TEX14: variants seen among roughly 807,000 people sequenced by gnomAD.
The protein encoded by TEX14 is testis expressed 14, intercellular bridge forming factor.
In TEX14, 168 loss-of-function variants were observed where a neutral mutation model predicts 178.6. The ratio of observed to expected loss-of-function variants is 0.94; its 90% CI spans 0.83 to 1.07. The LOEUF is 1.07. Among genes scored for constraint, TEX14 ranks in the 50% least tolerant of loss-of-function variants. The probability of loss-of-function intolerance (pLI) is 0.00; values close to 1 mark genes in which losing one functional copy is unlikely to be tolerated. For missense variants in TEX14, 1,730 were observed against 1,753.6 expected (o/e 0.99, Z 0.24); for synonymous variants, 626 against 634.1 (o/e 0.99, Z 0.19).
intron 2 of TEX14, among the ~76,000 whole-genome samples, chr17:58,650,851 T>G (rs1046862669): frequency 6.6e-6 from 1 of 152,228 alleles, no homozygotes; most frequent in Non-Finnish European, 1.5e-5. Flanking sequence ...TCTTCAGGAA[T>G]GCTATTGAAG....
intron 24 of TEX14, among the ~76,000 whole-genome samples, chr17:58,571,388 AC>A (rs1313819554): frequency 6.6e-6 from 1 of 151,706 alleles, no homozygotes; most frequent in Non-Finnish European, 1.5e-5. Flanking sequence ...GGCACATGGC[AC>A]CATGTCCCAG....
intron 21 of TEX14, 104 bp downstream of exon 21, chr17:58,577,271 A>G: frequency 2.2e-6 from 1 of 461,826 alleles, no homozygotes; most frequent in Non-Finnish European, 3.6e-6. Flanking sequence ...ATAAGATAGT[A>G]GCTAATACAT....
chr17:58,651,765 T>C, intron 2 of TEX14, 101 bp downstream of exon 2: 1 of 1,106,122 alleles, frequency 9.0e-7, no homozygotes, highest in Non-Finnish European at 1.3e-6. Flanking sequence ...TTTCTGGATT[T>C]CCCCAAGGAC....
intron 28 of TEX14, among the ~76,000 whole-genome samples, chr17:58,562,908 C>G (rs1457114134): frequency 1.3e-5 from 2 of 151,766 alleles, no homozygotes; most frequent in Non-Finnish European, 2.9e-5. Context: ...CCCATCTCTA[C>G]AAAAAATACA....
In TEX14 at chr17:58,661,785, T is replaced by C. The variant is rs1282755517; in HGVS notation, c.-1-9783A>G. The stretch of plus-strand genomic sequence containing the variant: ...GGTTGTGCCGGGTCTGAATCGCTGC[T>C]CCACTCCGGGTCTTCGTCAAACTTT... On this transcript the variant is annotated intron_variant, in intron 1 of 31. Transcript: ENST00000349033. 11 of 519,348 alleles carry C rather than the reference T, an allele frequency of 2.1e-5. No individual in the cohort carries two copies. In the Admixed American group the frequency reaches 3.3e-4, roughly 16 times the overall value. 32.2% of individuals were successfully genotyped at this position (519,348 alleles called of 1,614,324 possible). A position where few individuals can be genotyped will look rare whatever the true frequency, so the allele number is the denominator to read the frequency against.
In TEX14 at chr17:58,587,952, C is replaced by G; in HGVS notation, c.2646G>C (p.Leu882=). Residue 882 remains leucine, a synonymous_variant, in exon 16 of 32, where the codon CTG becomes CTC. Coordinates refer to ENST00000349033, the MANE Select transcript of TEX14 (RefSeq NM_031272.5). ...CAGAAGGTCCCTGCCGGTGGCTTGACAGAGTGAAGAGTGCACTATTAAACT... is the reference window on the plus strand; with the variant it reads ...CAGAAGGTCCCTGCCGGTGGCTTGAGAGAGTGAAGAGTGCACTATTAAACT... ...ATQFNSALFT[L]SSHRQGPSAS... is the part of the protein sequence containing the mutation. 6.2e-7 allele frequency: 1 copy of G among 1,612,684 alleles called. No individual in the cohort carries two copies. The highest frequency in any genetic ancestry group is 8.5e-7 in the Non-Finnish European group (1 of 1,179,002).
chr17:58,658,956 C>G (rs1439115963), intron 1 of TEX14, among the ~76,000 whole-genome samples: 1 of 151,732 alleles, frequency 6.6e-6, no homozygotes, highest in Non-Finnish European at 1.5e-5. Flanking sequence ...CCACATCAGT[C>G]TGGCTTATTT....
Position 58,573,162 on chromosome 17 carries a change from T to G in TEX14, c.3511+19A>C, listed in dbSNP as rs755849192. ...GCTGTAAGTCCTTCTCCCCAAACAC[T>G]TCTCTTCCCTGTGATTACCTGGGCT... is the stretch of plus-strand genomic sequence containing the variant. On this transcript the variant is annotated intron_variant, in intron 23 of 31. Transcript: ENST00000349033. 46 of 1,613,220 alleles carry G rather than the reference T, an allele frequency of 2.9e-5. No individual in the cohort carries two copies. The highest frequency in any genetic ancestry group is 3.8e-5 in the Non-Finnish European group (45 of 1,179,504).
rs765635833 is a variant in TEX14, at chr17:58,621,768, G to A, written c.436C>T (p.Arg146Cys). 1.1e-5 allele frequency: 17 copies of A among 1,613,898 alleles called. No individual in the cohort carries two copies. Among genetic ancestry groups the A allele is most frequent in the Admixed American group, 3.3e-5 (2 of 59,958 alleles). ...RSTQIVEFMQRCASHMQAIIQ... is the reference protein window; with the variant it reads ...RSTQIVEFMQCCASHMQAIIQ... ...ATGGCCTGCATGTGTGAGGCACAGC[G>A]CTGCATGAACTCCACTATCTGCAAA... Residue 146 changes from arginine to cysteine, a missense_variant, in exon 5 of 32, where the codon CGC becomes TGC. By Grantham distance (180) the Arg-to-Cys change is radical. Transcript: ENST00000349033.
intron 13 of TEX14, among the ~76,000 whole-genome samples, chr17:58,600,414 A>G (rs993886919): frequency 2.0e-5 from 3 of 152,050 alleles, no homozygotes; most frequent in African/African-American, 7.3e-5. Flanking sequence ...ACAAAAAATT[A>G]GCCAGGCATG....
chr17:58,565,041 G>T (rs2044369477), intron 27 of TEX14, 73 bp from the exon 28 acceptor site: 1 of 980,516 alleles, frequency 1.0e-6, no homozygotes, highest in Non-Finnish European at 1.5e-6. Flanking sequence ...AAAATAGAGT[G>T]CAAAAATTAA....
At chr17:58,679,422 G>C (rs2047453455) in intron 1 of TEX14, 1 of 145,252 alleles carries the variant, frequency 6.9e-6, no homozygotes, top group Non-Finnish European at 1.6e-5. Flanking sequence ...ATGACCATTA[G>C]AAGGCATCAA....
chr17:58,586,068 T>C lies in TEX14; in HGVS notation c.2803A>G (p.Met935Val). Reference protein sequence around the residue: ...HLKWKMEVKEMAKKAATGQLT... With the variant: ...HLKWKMEVKEVAKKAATGQLT... ...TGTCCAGTAGCTGCTTTCTTTGCCA[T>C]TTCTTTCACCTCCACTGTGCATAAG... The change falls in exon 18 of 32, where the codon ATG (methionine) becomes GTG (valine). Residue 935 changes from methionine (M) to valine (V), a missense_variant. Physicochemically the swap from Met to Val is conservative, Grantham distance 21. Around this residue, in one of 2 missense-constraint regions of TEX14, gnomAD observed 941 missense variants for 1,072.4 expected, o/e 0.88. Transcript: ENST00000349033. 1 of 1,612,548 alleles carries C rather than the reference T, an allele frequency of 6.2e-7. No homozygotes were observed. Among genetic ancestry groups the C allele is most frequent in the Non-Finnish European group, 8.5e-7 (1 of 1,178,772 alleles).
rs540660291 is a variant in TEX14, at chr17:58,603,779, G to A, written c.1337-1189C>T. Among the ~76,000 whole-genome samples the A allele has an allele frequency of 6.0e-5, 9 of 149,742 alleles. No homozygotes were observed. The South Asian group carries it at 1.1e-3, about 18-fold the overall frequency. ...TGAGGCAGGAGAATCGCTTGAACCC[G>A]GGAGGCAGAAGTTGCAGTGAGCCAA... is the stretch of plus-strand genomic sequence containing the variant. On this transcript the variant is annotated intron_variant, in intron 11 of 31. Coordinates refer to ENST00000349033, the MANE Select transcript of TEX14 (RefSeq NM_031272.5).
At chr17:58,617,234 G>T (rs1481547047) in intron 6 of TEX14, among the ~76,000 whole-genome samples, 3 of 152,106 alleles carry the variant, frequency 2.0e-5, no homozygotes, top group Non-Finnish European at 4.4e-5. Flanking sequence ...CTGGGCAACA[G>T]AGCCAGACTC....
At chr17:58,631,644 A>G (rs2046299571) in intron 2 of TEX14, 1 of 151,592 alleles carries the variant, frequency 6.6e-6, no homozygotes, top group East Asian at 1.9e-4. Flanking sequence ...ACCCAGAACT[A>G]CTCAGACTGC....
chr17:58,661,285 C>T, intron 1 of TEX14: 1 of 808,642 alleles, frequency 1.2e-6, no homozygotes, highest in Non-Finnish European at 2.3e-6. Flanking sequence ...CGCGAGCCTG[C>T]TGCAAATGAT....
At chr17:58,590,537 G>T (rs1235526619) in intron 15 of TEX14, among the ~76,000 whole-genome samples, 2 of 87,402 alleles carry the variant, frequency 2.3e-5, no homozygotes, top group Admixed American at 1.1e-4. Context: ...AACTATTTTT[G>T]TTGTTGTTGT....
intron 23 of TEX14, 124 bp downstream of exon 23, chr17:58,573,057 A>G: frequency 1.4e-6 from 2 of 1,387,988 alleles, no homozygotes; most frequent in South Asian, 2.9e-5. Flanking sequence ...TTTTGGCCCT[A>G]AAGAAAAACC....
Sources: allele counts gnomAD v4.1 joint callset (sites outside exome capture counted in the v4.1 genomes callset), GRCh38; gene constraint gnomAD v4.1.1; regional missense constraint gnomAD v4.1.1; transcripts MANE v1.5; gene names NCBI Gene and HGNC (gene_info 2026-07-23, HGNC 2026-07-21).